ZNF710: variants seen among roughly 807,000 people sequenced by gnomAD.
ZNF710 encodes the protein zinc finger protein 710.
ZNF710 carries 13 observed loss-of-function variants against 50.6 expected under a neutral mutation model. That is an observed-to-expected ratio of 0.26 (90% confidence interval 0.17 to 0.41). The LOEUF is 0.41. Ranked by LOEUF, ZNF710 falls within the 10% of genes least tolerant of loss-of-function variation. The pLI, the probability that ZNF710 is intolerant of heterozygous loss-of-function variation, is 1.00. For missense variants in ZNF710, 721 were observed against 936.6 expected (o/e 0.77, Z 3.01); for synonymous variants, 383 against 397.0 (o/e 0.96, Z 0.42).
At chr15:90,057,288 G>T (rs566833491) in intron 1 of ZNF710, among the ~76,000 whole-genome samples, 1 of 152,236 alleles carries the variant, frequency 6.6e-6, no homozygotes, top group East Asian at 1.9e-4. Context: ...GGCTGGAAGT[G>T]GGGCAGCTGC....
intron 1 of ZNF710, among the ~76,000 whole-genome samples, chr15:90,065,766 G>A (rs1235134102): frequency 6.6e-6 from 1 of 152,198 alleles, no homozygotes; most frequent in Non-Finnish European, 1.5e-5. Context: ...TTAGAGGCAG[G>A]TACAGTGGCT....
At position 90,074,310 on chromosome 15, in the gene ZNF710, T is replaced by C. The variant is rs202044821; in HGVS notation, c.1825+20T>C. On this transcript the variant is annotated intron_variant, in intron 4 of 4. Coordinates refer to ENST00000268154, the MANE Select transcript of ZNF710 (RefSeq NM_198526.4). ...GCCAAGGTGGGTGGGCCAAGCGCAATGGACAGAGCAGGAATGATACCAACA... is the reference window on the plus strand; with the variant it reads ...GCCAAGGTGGGTGGGCCAAGCGCAACGGACAGAGCAGGAATGATACCAACA... 1.2e-5 allele frequency: 19 copies of C among 1,610,252 alleles called. No individual in the cohort carries two copies. The East Asian group carries it at 2.9e-4, about 25-fold the overall frequency.
chr15:90,014,079 TAA>T (rs754218138), intron 1 of ZNF710, among the ~76,000 whole-genome samples: 35 of 140,410 alleles, frequency 2.5e-4, no homozygotes, highest in African/African-American at 8.0e-4. Flanking sequence ...TGAATAGTAA[TAA>T]AAAAAAAAAA....
chr15:90,043,980 T>C (rs1353526172), intron 1 of ZNF710, among the ~76,000 whole-genome samples: 3 of 152,230 alleles, frequency 2.0e-5, no homozygotes, highest in Admixed American at 6.5e-5. Flanking sequence ...ATAGTGCTTC[T>C]GTTTTCAAGG....
chr15:90,075,374 T>G (rs1335490236), intron 4 of ZNF710: 2 of 152,168 alleles, frequency 1.3e-5, no homozygotes, highest in East Asian at 3.8e-4. Context: ...ATTTTTAAAT[T>G]AGCTGGGTGT....
intron 1 of ZNF710, among the ~76,000 whole-genome samples, chr15:90,043,429 C>G (rs1001805238): frequency 6.6e-6 from 1 of 152,246 alleles, no homozygotes; most frequent in Admixed American, 6.5e-5. Context: ...GCAGCCGACC[C>G]TGTAATAAAG....
chr15:90,001,237 T>G, upstream of ZNF710, among the ~76,000 whole-genome samples: 1 of 151,760 alleles, frequency 6.6e-6, no homozygotes, highest in African/African-American at 2.4e-5. Context: ...AAAAGAAAAC[T>G]TGGGCTGACA....
chr15:90,004,519 A>T (rs1467774207), intron 1 of ZNF710, among the ~76,000 whole-genome samples: 2 of 152,124 alleles, frequency 1.3e-5, no homozygotes, highest in Non-Finnish European at 2.9e-5. Flanking sequence ...TGAAATAAGG[A>T]ATCTGTGAAT....
Position 90,030,329 on chromosome 15 carries a change from CAAAAAAA to C in ZNF710, c.-29+28733_-29+28739del, listed in dbSNP as rs10685083. Among the ~76,000 whole-genome samples, 273 of 50,506 alleles carry C rather than the reference CAAAAAAA, an allele frequency of 5.4e-3. 2 individuals are homozygous for C. Among genetic ancestry groups the C allele is most frequent in the Middle Eastern group, 0.015 (1 of 68 alleles). 33.1% of individuals were successfully genotyped at this position (50,506 alleles called of 152,430 possible). A position where few individuals can be genotyped will look rare whatever the true frequency, so the allele number is the denominator to read the frequency against. On this transcript the variant is annotated intron_variant, in intron 1 of 4. Coordinates refer to ENST00000268154, the MANE Select transcript of ZNF710 (RefSeq NM_198526.4). ...GGGCAACAAGAGCAAAACTCCATCTCAAAAAAAAAAAAAAAAAAAAAAAAGAAAGAAT... is the reference window on the plus strand; with the variant it reads ...GGGCAACAAGAGCAAAACTCCATCTCAAAAAAAAAAAAAAAAAGAAAGAAT...
intron 2 of ZNF710, among the ~76,000 whole-genome samples, chr15:90,069,092 G>C (rs898643068): frequency 6.6e-6 from 1 of 151,850 alleles, no homozygotes. Flanking sequence ...GCTGGGTGTG[G>C]TGGTGGATGC....
At chr15:90,037,113 G>A (rs1338894822) in intron 1 of ZNF710, among the ~76,000 whole-genome samples, 5 of 152,266 alleles carry the variant, frequency 3.3e-5, no homozygotes, top group African/African-American at 9.6e-5. Flanking sequence ...CCTGGCAGGG[G>A]CTCGGGGTGG....
chr15:90,068,502 C>T lies in ZNF710; in HGVS notation c.1365C>T (p.Leu455=). ...GCAGCCAGTTGCAGAACCACATGCT[C>T]AAGCACCAGAACGTGCGACCCTTCG... ...HYRSQLQNHM[L]KHQNVRPFVC... Residue 455 remains leucine, a synonymous_variant, in exon 2 of 5, where the codon CTC becomes CTT. Coordinates refer to ENST00000268154, the MANE Select transcript of ZNF710 (RefSeq NM_198526.4). The surrounding 1 kb of genome is among the most constrained non-coding windows in gnomAD (Gnocchi z 5.0). 6.2e-7 allele frequency: 1 copy of T among 1,613,850 alleles called. No homozygotes were observed. The highest frequency in any genetic ancestry group is 1.3e-5 in the African/African-American group (1 of 75,072).
chr15:90,074,044 G>A, intron 3 of ZNF710, 72 bp from the exon 4 acceptor site: 1 of 1,503,636 alleles, frequency 6.7e-7, no homozygotes, highest in Non-Finnish European at 9.0e-7. Flanking sequence ...CAGCCATAGA[G>A]GTGGGAGTGG....
chr15:90,039,122 T>C (rs571047155), intron 1 of ZNF710, among the ~76,000 whole-genome samples: 26 of 152,054 alleles, frequency 1.7e-4, no homozygotes, highest in African/African-American at 6.0e-4. Context: ...CTACTAAAAA[T>C]ACAAAAATTA....
At chr15:90,074,322 G>A in intron 4 of ZNF710, 32 bp downstream of exon 4, 9 of 1,608,504 alleles carry the variant, frequency 5.6e-6, no homozygotes, top group Non-Finnish European at 7.6e-6. Flanking sequence ...GACAGAGCAG[G>A]AATGATACCA....
At chr15:90,000,878 G>GCCCCCCGGGC (rs548839070), upstream of ZNF710, among the ~76,000 whole-genome samples, 1 of 151,846 alleles carries the variant, frequency 6.6e-6, no homozygotes, top group Non-Finnish European at 1.5e-5. Flanking sequence ...GGGGCGCAGG[G>GCCCCCCGGGC]CCCCCGGGCC....
intron 1 of ZNF710, among the ~76,000 whole-genome samples, chr15:90,052,351 A>G (rs1006542526): frequency 2.6e-5 from 4 of 151,820 alleles, no homozygotes; most frequent in East Asian, 1.9e-4. Flanking sequence ...GGTTTGCTTC[A>G]TTTTCTGCAG....
chr15:90,000,103 C>G (rs1265056678), upstream of ZNF710, among the ~76,000 whole-genome samples: 1 of 152,046 alleles, frequency 6.6e-6, no homozygotes, highest in African/African-American at 2.4e-5. Context: ...AGCAGGTGCT[C>G]AATACTTACT....
chr15:90,066,086 AT>A (rs1900161900), intron 1 of ZNF710, among the ~76,000 whole-genome samples: 1 of 152,226 alleles, frequency 6.6e-6, no homozygotes, highest in African/African-American at 2.4e-5. Context: ...TTTTATCAGT[AT>A]AAATTTAGAT....
Sources: gnomAD v4.1 joint callset for allele counts (sites outside exome capture counted in the v4.1 genomes callset) on GRCh38, gnomAD v4.1.1 for gene constraint, Gnocchi (gnomAD v3.1) non-coding constraint, MANE v1.5 for transcripts, NCBI Gene and HGNC (gene_info 2026-07-23, HGNC 2026-07-21) for gene names.